TIAM1: variants seen among roughly 807,000 people sequenced by gnomAD.
The protein encoded by TIAM1 is rho guanine nucleotide exchange factor TIAM1.
In TIAM1, 65 loss-of-function variants were observed where a neutral mutation model predicts 163.5. That is an observed-to-expected ratio of 0.40 (90% CI 0.33 to 0.49). TIAM1 has a LOEUF of 0.49. TIAM1 is among the 20% of genes least tolerant of loss of function. The pLI is 0.77. For synonymous variants in TIAM1, 833 were observed against 810.1 expected (o/e 1.03, Z -0.48); for missense variants, 1,789 against 2,044.7 (o/e 0.87, Z 2.41).
intron 6 of TIAM1, among the ~76,000 whole-genome samples, chr21:31,235,622 C>T (rs1265109662): frequency 1.3e-5 from 2 of 152,080 alleles, no homozygotes; most frequent in South Asian, 2.1e-4. Flanking sequence ...CCTCATGAGG[C>T]GAAGAGGGCA....
At chr21:31,199,919 A>C (rs1412369848) in intron 12 of TIAM1, among the ~76,000 whole-genome samples, 1 of 150,816 alleles carries the variant, frequency 6.6e-6, no homozygotes, top group East Asian at 1.9e-4. Flanking sequence ...TTAAAAAAAA[A>C]AAAAAACACA....
chr21:31,126,771 G>C (rs1747910383), intron 26 of TIAM1, among the ~76,000 whole-genome samples: 1 of 152,014 alleles, frequency 6.6e-6, no homozygotes, highest in Non-Finnish European at 1.5e-5. Flanking sequence ...AGGGTGGCAG[G>C]GTAGAAGAAA....
intron 2 of TIAM1, among the ~76,000 whole-genome samples, chr21:31,337,518 G>GTTATTATTGTTGTTGTTATTATTATTA (rs1555946484): frequency 4.1e-5 from 6 of 147,258 alleles, no homozygotes; most frequent in African/African-American, 1.5e-4. Context: ...TATTATTGTT[G>GTTATTATTGTTGTTGTTATTATTATTA]TTATTATTAT....
chr21:31,372,207 A>G (rs2076607929), intron 2 of TIAM1, among the ~76,000 whole-genome samples: 1 of 152,146 alleles, frequency 6.6e-6, no homozygotes, highest in Non-Finnish European at 1.5e-5. Context: ...CCCATTAAAA[A>G]TGTAGGAAAA....
At chr21:31,181,741 C>T (rs8134177) in intron 15 of TIAM1, among the ~76,000 whole-genome samples, 1 of 110,398 alleles carries the variant, frequency 9.1e-6, no homozygotes, top group South Asian at 3.0e-4. Context: ...CCCAGCACTT[C>T]TTCTTCTTCT....
At chr21:31,426,690 G>A (rs1413862028) in intron 2 of TIAM1, among the ~76,000 whole-genome samples, 9 of 152,030 alleles carry the variant, frequency 5.9e-5, no homozygotes, top group East Asian at 3.9e-4. Flanking sequence ...GTCATAGCAC[G>A]GTTTTTTTCA....
At chr21:31,410,535 TTATG>T (rs71193112) in intron 2 of TIAM1, among the ~76,000 whole-genome samples, 7,584 of 150,816 alleles carry the variant, frequency 0.05, 236 homozygotes, top group East Asian at 0.11. Context: ...GAGACTGAGT[TTATG>T]TATAAGTGTG....
At chr21:31,505,269 C>T (rs1015904237) in intron 1 of TIAM1, among the ~76,000 whole-genome samples, 7 of 152,134 alleles carry the variant, frequency 4.6e-5, no homozygotes. Context: ...AATGATATAA[C>T]TCATGCAAAA....
At chr21:31,514,623 G>A (rs2047319969) in intron 1 of TIAM1, among the ~76,000 whole-genome samples, 1 of 152,144 alleles carries the variant, frequency 6.6e-6, no homozygotes, top group African/African-American at 2.4e-5. Context: ...AACCTGGGAG[G>A]TGGAGATTGC....
chr21:31,451,322 A>T (rs924028902), intron 2 of TIAM1, among the ~76,000 whole-genome samples: 1 of 152,206 alleles, frequency 6.6e-6, no homozygotes, highest in Non-Finnish European at 1.5e-5. Flanking sequence ...GCCAAACAGC[A>T]GCATGTTTGA....
intron 1 of TIAM1, among the ~76,000 whole-genome samples, chr21:31,473,331 G>A (rs543031925): frequency 1.3e-5 from 2 of 151,324 alleles, no homozygotes; most frequent in Non-Finnish European, 2.9e-5. Context: ...TCGGGAGGCT[G>A]AGGCAGGAGA....
At chr21:31,300,328 C>T (rs1373065162) in intron 2 of TIAM1, among the ~76,000 whole-genome samples, 4 of 152,134 alleles carry the variant, frequency 2.6e-5, no homozygotes, top group Admixed American at 6.5e-5. Flanking sequence ...TACCCAGTCT[C>T]AGGTATTTCT....
At chr21:31,471,683 A>C (rs1259314229) in intron 1 of TIAM1, among the ~76,000 whole-genome samples, 1 of 152,074 alleles carries the variant, frequency 6.6e-6, no homozygotes, top group Non-Finnish European at 1.5e-5. Flanking sequence ...CAGCCTGACC[A>C]ACATGGAGAA....
At chr21:31,314,796 C>T (rs1470685062) in intron 2 of TIAM1, among the ~76,000 whole-genome samples, 6 of 152,090 alleles carry the variant, frequency 3.9e-5, no homozygotes, top group South Asian at 2.1e-4. Context: ...CTAATTTCAG[C>T]GCTTCTGCAT....
intron 2 of TIAM1, among the ~76,000 whole-genome samples, chr21:31,421,535 C>T (rs7276357): frequency 0.13 from 19,270 of 152,138 alleles, 1,872 homozygotes; most frequent in African/African-American, 0.26. Flanking sequence ...GAACGGCGCA[C>T]GCGAGGGATC....
Position 31,130,444 on chromosome 21 carries a change from C to A in TIAM1, c.3943-129G>T. On this transcript the variant is annotated intron_variant, in intron 24 of 27. Coordinates refer to ENST00000541036, the MANE Select transcript of TIAM1 (RefSeq NM_001353694.2). ...GGCGTGCCCAAAGGATCTTCACCCC[C>A]ATGAGCTCCTGTCCATCCAGCAGGA... 7 of 686,024 alleles carry A rather than the reference C, an allele frequency of 1.0e-5. No individual in the cohort carries two copies. In the South Asian group the frequency reaches 1.1e-4, roughly 10 times the overall value. The allele number at this position is 686,024 out of a possible 1,614,324, so 42.5% of individuals were successfully genotyped here.
At chr21:31,295,911 C>A (rs1315256694) in intron 2 of TIAM1, among the ~76,000 whole-genome samples, 1 of 152,150 alleles carries the variant, frequency 6.6e-6, no homozygotes, top group East Asian at 1.9e-4. Flanking sequence ...GATTCTCCTG[C>A]CTCAGCCTCC....
Position 31,325,795 on chromosome 21 carries a change from A to G in TIAM1, c.-189+13448T>C, listed in dbSNP as rs149229494. ...TCAAAAAGCTGGAAAGAAACCAGCC[A>G]TCAGTGAGTTAAGAGGTGTCACACG... On this transcript the variant is annotated intron_variant, in intron 2 of 27. Transcript: ENST00000541036. 5.1e-3 allele frequency among the ~76,000 whole-genome samples: 779 copies of G among 152,326 alleles called. 8 individuals are homozygous for G. Among genetic ancestry groups the G allele is most frequent in the South Asian group, 0.029 (138 of 4,816 alleles).
chr21:31,200,055 T>A (rs1171425212), intron 12 of TIAM1, among the ~76,000 whole-genome samples: 2 of 152,196 alleles, frequency 1.3e-5, no homozygotes, highest in East Asian at 3.8e-4. Flanking sequence ...CACATTCACA[T>A]GTATTTTTAC....
Sources: allele counts gnomAD v4.1 joint callset (sites outside exome capture counted in the v4.1 genomes callset), GRCh38; gene constraint gnomAD v4.1.1; transcripts MANE v1.5; gene names NCBI Gene and HGNC (gene_info 2026-07-23, HGNC 2026-07-21).